The following ASIC2 variants were observed in gnomAD, a reference collection of about 807,000 sequenced individuals.
ASIC2 encodes the protein acid sensing ion channel subunit 2, also known as acid-sensing ion channel 2.
ASIC2 carries 25 observed loss-of-function variants against 57.3 expected under a neutral mutation model. The ratio of observed to expected loss-of-function variants is 0.44; its 90% confidence interval spans 0.32 to 0.61. ASIC2 has a LOEUF of 0.61. ASIC2 is among the 20% of genes least tolerant of loss of function. The probability of loss-of-function intolerance (pLI) is 0.06; values close to 1 mark genes in which losing one functional copy is unlikely to be tolerated. For synonymous variants in ASIC2, 319 were observed against 307.5 expected (o/e 1.04, Z -0.39); for missense variants, 641 against 738.1 (o/e 0.87, Z 1.52).
intron 1 of ASIC2, among the ~76,000 whole-genome samples, chr17:33,785,813 CAT>C (rs1231168027): frequency 6.6e-6 from 1 of 152,182 alleles, no homozygotes; most frequent in Non-Finnish European, 1.5e-5. Flanking sequence ...ATGACTCCAA[CAT>C]AGCACAGACC....
chr17:33,340,971 C>G (rs1445259824), intron 1 of ASIC2, among the ~76,000 whole-genome samples: 2 of 152,188 alleles, frequency 1.3e-5, no homozygotes, highest in Admixed American at 6.5e-5. Context: ...ACCCTAGTCT[C>G]AGACTTGAGA....
At chr17:33,066,152 AT>A (rs1476264507) in intron 3 of ASIC2, among the ~76,000 whole-genome samples, 2 of 152,134 alleles carry the variant, frequency 1.3e-5, no homozygotes, top group East Asian at 3.9e-4. Flanking sequence ...ATGTCTTTTT[AT>A]TTGGGGGAAG....
chr17:33,704,366 C>T (rs1477369804), intron 1 of ASIC2, among the ~76,000 whole-genome samples: 1 of 152,124 alleles, frequency 6.6e-6, no homozygotes, highest in Non-Finnish European at 1.5e-5. Flanking sequence ...ATATGCTTAC[C>T]TGTAGGCACC....
intron 1 of ASIC2, among the ~76,000 whole-genome samples, chr17:33,678,522 G>C (rs1183236828): frequency 6.6e-6 from 1 of 151,502 alleles, no homozygotes; most frequent in Non-Finnish European, 1.5e-5. Flanking sequence ...AGAGGAATTG[G>C]CCTAAAGTTG....
At chr17:33,942,261 A>G (rs1265655000) in intron 1 of ASIC2, among the ~76,000 whole-genome samples, 1 of 152,216 alleles carries the variant, frequency 6.6e-6, no homozygotes, top group Non-Finnish European at 1.5e-5. Flanking sequence ...TTCCTGCAGC[A>G]GCAGCATCAC....
intron 1 of ASIC2, 83 bp downstream of exon 1, chr17:33,291,325 C>T (rs1905429045): frequency 2.0e-6 from 3 of 1,491,254 alleles, no homozygotes; most frequent in Admixed American, 2.3e-5. Flanking sequence ...CTGGGGACAG[C>T]CCCGAGGGGG....
chr17:33,422,350 C>T (rs368535829), intron 1 of ASIC2, among the ~76,000 whole-genome samples: 2 of 152,356 alleles, frequency 1.3e-5, no homozygotes, highest in East Asian at 1.9e-4. Flanking sequence ...CCCGTCCCCA[C>T]AGCTCCACCC....
chr17:33,253,704 C>T lies in ASIC2; in HGVS notation c.708+37704G>A, dbSNP rs570424912. Among the ~76,000 whole-genome samples the T allele has an allele frequency of 8.6e-5, 13 of 151,784 alleles. No individual in the cohort carries two copies. The South Asian group carries it at 1.0e-3, about 12-fold the overall frequency. On this transcript the variant is annotated intron_variant, in intron 1 of 9. Transcript: ENST00000225823. Reference sequence around the variant, plus strand: ...AACTAACTCCTGAGACTGGTTTTCACGAAAAGAAGAGGAAAGTGAGGATCT... The same window carrying T: ...AACTAACTCCTGAGACTGGTTTTCATGAAAAGAAGAGGAAAGTGAGGATCT...
intron 1 of ASIC2, among the ~76,000 whole-genome samples, chr17:34,050,675 G>C (rs1285748476): frequency 6.6e-6 from 1 of 152,166 alleles, no homozygotes; most frequent in East Asian, 1.9e-4. Flanking sequence ...AAGCAACTCT[G>C]AATACATCAC....
chr17:34,147,946 T>A (rs1904356626), intron 1 of ASIC2, among the ~76,000 whole-genome samples: 1 of 152,136 alleles, frequency 6.6e-6, no homozygotes, highest in South Asian at 2.1e-4. Flanking sequence ...TTTGGGAGAT[T>A]TTTTAATGGG....
intron 1 of ASIC2, among the ~76,000 whole-genome samples, chr17:34,008,389 A>G (rs896341161): frequency 6.6e-6 from 1 of 152,230 alleles, no homozygotes; most frequent in Non-Finnish European, 1.5e-5. Context: ...AGGCTGGGAC[A>G]AGATGACACC....
At chr17:33,618,947 T>C (rs1443378041) in intron 1 of ASIC2, among the ~76,000 whole-genome samples, 1 of 152,164 alleles carries the variant, frequency 6.6e-6, no homozygotes, top group Non-Finnish European at 1.5e-5. Flanking sequence ...TAATCATTCT[T>C]CAAATTCCGG....
chr17:33,174,206 G>A (rs555115450), intron 1 of ASIC2, among the ~76,000 whole-genome samples: 104 of 152,240 alleles, frequency 6.8e-4, no homozygotes, highest in Non-Finnish European at 1.3e-3. Flanking sequence ...TGGATTACTT[G>A]AGGTCAGGAG....
At chr17:33,206,453 G>A (rs927108108) in intron 1 of ASIC2, among the ~76,000 whole-genome samples, 1 of 152,162 alleles carries the variant, frequency 6.6e-6, no homozygotes, top group East Asian at 1.9e-4. Context: ...ACTAATGGAG[G>A]CACTGGGATT....
At chr17:33,837,292 C>T (rs552631697) in intron 1 of ASIC2, among the ~76,000 whole-genome samples, 31 of 152,294 alleles carry the variant, frequency 2.0e-4, no homozygotes, top group African/African-American at 7.5e-4. Flanking sequence ...AATCAATGGC[C>T]TTGCATTGGC....
rs191426696 is a variant in ASIC2, at chr17:33,884,449, C to T, written c.555+271529G>A. Among the ~76,000 whole-genome samples the T allele has an allele frequency of 2.4e-3, 372 of 152,178 alleles. 2 individuals carry two copies. In the Middle Eastern group the frequency reaches 0.034, roughly 14 times the overall value. On this transcript the variant is annotated intron_variant, in intron 1 of 9. Coordinates refer to the ASIC2 transcript ENST00000359872. ...TCCCTGCTTATACCTCTGTAAGTAG[C>T]CCTTTCCTTCTTTTTATCTGCTGGA...
intron 1 of ASIC2, among the ~76,000 whole-genome samples, chr17:33,262,435 GA>G (rs1197495307): frequency 6.6e-6 from 1 of 151,702 alleles, no homozygotes; most frequent in East Asian, 1.9e-4. Context: ...AGGAGGAAGG[GA>G]GGGAGGAAGG....
In ASIC2 at chr17:33,280,342, T is replaced by C. The variant is rs184128282; in HGVS notation, c.708+11066A>G. Among the ~76,000 whole-genome samples, 7 of 152,272 alleles carry C rather than the reference T, an allele frequency of 4.6e-5. No individual in the cohort carries two copies. In the East Asian group the frequency reaches 1.2e-3, roughly 25 times the overall value. ...AAAAAGGCTCTCACTCCATGCACCATCAAAAATGTAATGTAATTATAGTGA... is the reference window on the plus strand; with the variant it reads ...AAAAAGGCTCTCACTCCATGCACCACCAAAAATGTAATGTAATTATAGTGA... On this transcript the variant is annotated intron_variant, in intron 1 of 9. Transcript: ENST00000225823.
intron 1 of ASIC2, among the ~76,000 whole-genome samples, chr17:33,546,990 T>C (rs9900203): frequency 0.03 from 4,524 of 152,164 alleles, 241 homozygotes; most frequent in African/African-American, 0.1. Context: ...AGATGACAAC[T>C]AGGACCTAGG....
Sources: gnomAD v4.1 joint callset for allele counts (sites outside exome capture counted in the v4.1 genomes callset) on GRCh38, gnomAD v4.1.1 for gene constraint, MANE v1.5 for transcripts, NCBI Gene and HGNC (gene_info 2026-07-23, HGNC 2026-07-21) for gene names.